The following WHRN variants were observed in gnomAD, a reference collection of about 807,000 sequenced individuals.
WHRN encodes CASK-interacting protein CIP98.
WHRN carries 41 observed loss-of-function variants against 68.3 expected under a neutral mutation model. That is an observed-to-expected ratio of 0.60 (90% CI 0.47 to 0.78). WHRN has a LOEUF of 0.78. WHRN is among the 30% of genes least tolerant of loss of function. WHRN has a pLI of 0.00. For missense variants in WHRN, 1,243 were observed against 1,244.7 expected, an observed-to-expected ratio of 1.00 and a Z score of 0.02; for synonymous variants, 560 against 561.3, an observed-to-expected ratio of 1.00 and a Z score of 0.03.
At chr9:114,448,641 C>T (rs1306446163) in intron 3 of WHRN, among the ~76,000 whole-genome samples, 5 of 152,154 alleles carry the variant, frequency 3.3e-5, no homozygotes, top group Admixed American at 1.3e-4. Flanking sequence ...CCTGGAAAGC[C>T]CCCCTAAGCC....
At chr9:114,417,439 A>C (rs1243703630) in intron 7 of WHRN, among the ~76,000 whole-genome samples, 1 of 152,246 alleles carries the variant, frequency 6.6e-6, no homozygotes, top group East Asian at 1.9e-4. Context: ...ATAGTAGAAG[A>C]TAATCCTGCA....
intron 3 of WHRN, among the ~76,000 whole-genome samples, chr9:114,451,340 G>GTCC (rs1257482890): frequency 6.6e-6 from 1 of 152,158 alleles, no homozygotes; most frequent in African/African-American, 2.4e-5. Context: ...GGGGCAAGCT[G>GTCC]CTTAATCTCA....
At chr9:114,432,798 G>A (rs150262330) in intron 3 of WHRN, among the ~76,000 whole-genome samples, 2 of 152,222 alleles carry the variant, frequency 1.3e-5, no homozygotes, top group Non-Finnish European at 2.9e-5. Context: ...TAACTGCATG[G>A]GTCTCCATGG....
chr9:114,462,170 G>T (rs1333693492), intron 3 of WHRN, among the ~76,000 whole-genome samples: 1 of 152,150 alleles, frequency 6.6e-6, no homozygotes, highest in Non-Finnish European at 1.5e-5. Flanking sequence ...CTTTGTGCTG[G>T]CTGCCAGGAA....
chr9:114,454,689 T>A lies in WHRN; in HGVS notation c.963+11578A>T, dbSNP rs956388546. Among the ~76,000 whole-genome samples, 12 of 151,228 alleles carry A rather than the reference T, an allele frequency of 7.9e-5. No individual in the cohort carries two copies. In the South Asian group the frequency reaches 1.0e-3, roughly 13 times the overall value. On this transcript the variant is annotated intron_variant, in intron 3 of 11. Transcript: ENST00000362057. ...CAATTCCAATCCCAGGAAGCTATAT[T>A]TTTTTTTTAGGTATTTACAAGCTGA...
intron 1 of WHRN, 30 bp downstream of exon 1, chr9:114,504,154 C>T: frequency 2.5e-6 from 4 of 1,613,882 alleles, no homozygotes; most frequent in Non-Finnish European, 2.5e-6. Context: ...CCATACTCTG[C>T]CCCAGACTCT....
At chr9:114,482,029 G>C (rs532592467) in intron 1 of WHRN, among the ~76,000 whole-genome samples, 1 of 152,040 alleles carries the variant, frequency 6.6e-6, no homozygotes, top group Non-Finnish European at 1.5e-5. Context: ...ACTTGAGCCT[G>C]GTGAGGGATA....
At chr9:114,473,351 A>G (rs1265411348) in intron 2 of WHRN, among the ~76,000 whole-genome samples, 1 of 152,130 alleles carries the variant, frequency 6.6e-6, no homozygotes, top group Non-Finnish European at 1.5e-5. Context: ...TCTCTCCTGG[A>G]TGGAGCCACC....
At chr9:114,436,845 AAAAT>A (rs1837901834) in intron 3 of WHRN, among the ~76,000 whole-genome samples, 1 of 152,086 alleles carries the variant, frequency 6.6e-6, no homozygotes, top group African/African-American at 2.4e-5. Context: ...CCAAATAAAT[AAAAT>A]AAATAAATCA....
At chr9:114,484,661 A>G (rs142134251) in intron 1 of WHRN, among the ~76,000 whole-genome samples, 3 of 152,362 alleles carry the variant, frequency 2.0e-5, no homozygotes, top group African/African-American at 7.2e-5. Flanking sequence ...AACTCAAATC[A>G]TAGAGAAATC....
chr9:114,435,428 T>G (rs1435101598), intron 3 of WHRN, among the ~76,000 whole-genome samples: 1 of 152,228 alleles, frequency 6.6e-6, no homozygotes, highest in Non-Finnish European at 1.5e-5. Context: ...GCTGGGTACA[T>G]GCAGCCCAGC....
At chr9:114,436,772 T>C (rs746579718) in intron 3 of WHRN, among the ~76,000 whole-genome samples, 42 of 152,162 alleles carry the variant, frequency 2.8e-4, no homozygotes, top group Non-Finnish European at 2.6e-4. Flanking sequence ...GAGGCTGTAG[T>C]GAGCCGAGAT....
intron 7 of WHRN, among the ~76,000 whole-genome samples, chr9:114,418,957 C>T (rs7875262): frequency 0.2 from 31,065 of 152,128 alleles, 3,711 homozygotes; most frequent in East Asian, 0.33. Flanking sequence ...CCACTGTATC[C>T]CCAGAACCTC....
At chr9:114,439,235 C>A (rs959096169) in intron 3 of WHRN, among the ~76,000 whole-genome samples, 2 of 152,044 alleles carry the variant, frequency 1.3e-5, no homozygotes, top group Admixed American at 6.6e-5. Context: ...AAAATTAAAT[C>A]AATAAAGATG....
chr9:114,488,941 C>A (rs963614138), intron 1 of WHRN, among the ~76,000 whole-genome samples: 1 of 152,108 alleles, frequency 6.6e-6, no homozygotes, highest in African/African-American at 2.4e-5. Flanking sequence ...CCCAAACTCT[C>A]CCCATTGCTT....
At chr9:114,403,150 T>C in intron 11 of WHRN, 67 bp downstream of exon 11, 1 of 1,608,906 alleles carries the variant, frequency 6.2e-7, no homozygotes, top group Non-Finnish European at 8.5e-7. Flanking sequence ...CGCAAAACCC[T>C]GGAGATGCTG....
intron 3 of WHRN, among the ~76,000 whole-genome samples, chr9:114,441,982 CCCA>C (rs1413713202): frequency 3.3e-5 from 5 of 152,152 alleles, no homozygotes; most frequent in Non-Finnish European, 4.4e-5. Flanking sequence ...CATCACGGGA[CCCA>C]CCAAGGACCT....
Position 114,406,704 on chromosome 9 carries a change from C to A in WHRN, c.1887G>T (p.Pro629=). 2.5e-6 allele frequency: 4 copies of A among 1,614,000 alleles called. No individual in the cohort carries two copies. The highest frequency in any genetic ancestry group is 3.4e-6 in the Non-Finnish European group (4 of 1,180,008). The change falls in exon 9 of 12, where the codon CCG becomes CCT. Residue 629 remains proline (P), a synonymous_variant. Coordinates refer to ENST00000362057, the MANE Select transcript of WHRN (RefSeq NM_015404.4). ...TVFSAPQNRS[P]PAGTAPTPGT... ...CTGGGGTGGGTGCGGTGCCCGCTGG[C>A]GGGCTGCGGTTCTGTGGAGCCGAGA... is the stretch of plus-strand genomic sequence containing the variant.
chr9:114,426,824 T>C (rs1233184007), intron 3 of WHRN, among the ~76,000 whole-genome samples: 4 of 152,252 alleles, frequency 2.6e-5, no homozygotes, highest in African/African-American at 9.6e-5. Flanking sequence ...GGTTTTTACC[T>C]CAACCATGCA....
Sources: allele counts gnomAD v4.1 joint callset (sites outside exome capture counted in the v4.1 genomes callset), GRCh38; gene constraint gnomAD v4.1.1; transcripts MANE v1.5; gene names NCBI Gene and HGNC (gene_info 2026-07-23, HGNC 2026-07-21).